CDH12: variants seen among roughly 807,000 people sequenced by gnomAD.
CDH12 encodes the protein cadherin 12.
Under a neutral mutation model 74.1 loss-of-function variants are expected in CDH12, and 41 were observed. That is an observed-to-expected ratio of 0.55 (90% CI 0.43 to 0.72). The LOEUF is 0.72. Ranked by LOEUF, CDH12 falls within the 30% of genes least tolerant of loss-of-function variation. The pLI is 0.00. For missense variants in CDH12, 945 were observed against 977.2 expected, an observed-to-expected ratio of 0.97 and a Z score of 0.44; for synonymous variants, 399 against 355.0, an observed-to-expected ratio of 1.12 and a Z score of -1.39.
intron 5 of CDH12, among the ~76,000 whole-genome samples, chr5:22,039,210 C>T (rs1194640348): frequency 6.6e-6 from 1 of 152,028 alleles, no homozygotes; most frequent in African/African-American, 2.4e-5. Flanking sequence ...CCCTATTGGT[C>T]TGGTTCCAAA....
intron 6 of CDH12, among the ~76,000 whole-genome samples, chr5:21,895,501 A>T (rs1181841071): frequency 2.0e-5 from 3 of 152,174 alleles, no homozygotes; most frequent in African/African-American, 7.2e-5. Context: ...CTCTTCCACA[A>T]GCAGTCTTCA....
At chr5:22,241,525 T>C (rs1752752153) in intron 3 of CDH12, among the ~76,000 whole-genome samples, 1 of 152,024 alleles carries the variant, frequency 6.6e-6, no homozygotes, top group Admixed American at 6.6e-5. Flanking sequence ...TTTGTAATTA[T>C]TATTTTTAAA....
chr5:22,453,419 A>G (rs1417146805), intron 2 of CDH12, among the ~76,000 whole-genome samples: 1 of 152,148 alleles, frequency 6.6e-6, no homozygotes, highest in Admixed American at 6.5e-5. Context: ...ATAGAATGAA[A>G]TTCTATTGTT....
At chr5:22,437,630 C>T (rs2126534824) in intron 2 of CDH12, among the ~76,000 whole-genome samples, 1 of 151,596 alleles carries the variant, frequency 6.6e-6, no homozygotes, top group Admixed American at 6.6e-5. Context: ...GGTAGAAGGA[C>T]CTGAAATATA....
At chr5:22,454,028 C>T (rs1221538937) in intron 2 of CDH12, among the ~76,000 whole-genome samples, 2 of 151,888 alleles carry the variant, frequency 1.3e-5, no homozygotes, top group African/African-American at 4.8e-5. Flanking sequence ...TGGAGCAATA[C>T]CACTTTTTAG....
At chr5:22,358,330 A>AG (rs1217039033) in intron 3 of CDH12, among the ~76,000 whole-genome samples, 2 of 44,044 alleles carry the variant, frequency 4.5e-5, no homozygotes, top group African/African-American at 1.8e-4. Flanking sequence ...AATAACTTGA[A>AG]CCCGGAGGCG....
At chr5:21,799,619 A>G (rs1262502820) in intron 10 of CDH12, among the ~76,000 whole-genome samples, 1 of 151,362 alleles carries the variant, frequency 6.6e-6, no homozygotes, top group Middle Eastern at 3.2e-3. Flanking sequence ...GTAAAATGAA[A>G]GAAGATCATC....
chr5:22,603,342 G>A (rs1374801679), intron 1 of CDH12, among the ~76,000 whole-genome samples: 1 of 152,174 alleles, frequency 6.6e-6, no homozygotes, highest in African/African-American at 2.4e-5. Flanking sequence ...TTTGGGAAAT[G>A]TTAAGTTTCA....
chr5:22,676,589 AG>A (rs1236434899), intron 1 of CDH12, among the ~76,000 whole-genome samples: 4 of 152,182 alleles, frequency 2.6e-5, no homozygotes, highest in African/African-American at 9.6e-5. Context: ...ATTTCAACAA[AG>A]GCATGTAATT....
At chr5:22,279,967 G>A (rs186662063) in intron 3 of CDH12, among the ~76,000 whole-genome samples, 1 of 152,222 alleles carries the variant, frequency 6.6e-6, no homozygotes, top group African/African-American at 2.4e-5. Context: ...CTTCCACAAT[G>A]GTTGAACTAG....
chr5:21,958,269 T>C (rs1756190896), intron 6 of CDH12, among the ~76,000 whole-genome samples: 1 of 152,072 alleles, frequency 6.6e-6, no homozygotes, highest in South Asian at 2.1e-4. Context: ...TCTCTGGTGG[T>C]TCTTTATAGC....
intron 6 of CDH12, among the ~76,000 whole-genome samples, chr5:21,945,429 A>G (rs1472752218): frequency 8.4e-6 from 1 of 119,138 alleles, no homozygotes; most frequent in Non-Finnish European, 1.7e-5. Context: ...GTTTCAGACA[A>G]AAAAAAAAAA....
At chr5:22,308,825 C>T (rs868570116) in intron 3 of CDH12, among the ~76,000 whole-genome samples, 4,244 of 150,058 alleles carry the variant, frequency 0.028, 138 homozygotes, top group African/African-American at 0.065. Context: ...CACACACACA[C>T]ACACACACAC....
chr5:22,326,328 G>A (rs938916499), intron 3 of CDH12, among the ~76,000 whole-genome samples: 16 of 151,554 alleles, frequency 1.1e-4, no homozygotes, highest in Admixed American at 5.9e-4. Flanking sequence ...TCCGCCCCCC[G>A]GGGTTCACGC....
In CDH12 at chr5:22,822,182, T is replaced by G. The variant is rs1327751010; in HGVS notation, c.-523+30876A>C. ...GCTGGGAAAACTGGCTAGCCATATG[T>G]AGAAAGCTGAAACTGGATCCCTTCC... On this transcript the variant is annotated intron_variant, in intron 1 of 14. Coordinates refer to ENST00000382254, the MANE Select transcript of CDH12 (RefSeq NM_004061.5). Among the ~76,000 whole-genome samples, 13 of 151,948 alleles carry G rather than the reference T, an allele frequency of 8.6e-5. No homozygotes were observed. In the East Asian group the frequency reaches 1.9e-3, roughly 23 times the overall value.
chr5:22,154,474 CATAT>C (rs1246903245), intron 4 of CDH12, among the ~76,000 whole-genome samples: 1 of 720 alleles, frequency 1.4e-3, no homozygotes, highest in Admixed American at 0.026. Context: ...TATATGTACA[CATAT>C]ATATGTACAC....
chr5:22,464,019 T>C (rs1745628170), intron 2 of CDH12, among the ~76,000 whole-genome samples: 1 of 152,208 alleles, frequency 6.6e-6, no homozygotes, highest in Non-Finnish European at 1.5e-5. Flanking sequence ...AGAGTTCCCA[T>C]GTGTCTTGGG....
chr5:22,533,798 T>C (rs2126707892), intron 1 of CDH12, among the ~76,000 whole-genome samples: 1 of 152,288 alleles, frequency 6.6e-6, no homozygotes, highest in South Asian at 2.1e-4. Context: ...AAATGAAAGC[T>C]TTAAAATTAA....
rs561829442 is a variant in CDH12 at position 22,117,450 on chromosome 5, T to A, written c.-186-38588A>T. 7.4e-3 allele frequency among the ~76,000 whole-genome samples: 582 copies of A among 79,016 alleles called. 2 individuals are homozygous for A. The highest frequency in any genetic ancestry group is 0.03 in the African/African-American group (553 of 18,276). The allele number at this position is 79,016 out of a possible 152,430, so 51.8% of individuals were successfully genotyped here. A position where few individuals can be genotyped will look rare whatever the true frequency, so the allele number is the denominator to read the frequency against. On this transcript the variant is annotated intron_variant, in intron 4 of 14. Transcript: ENST00000382254. ...GCATATATAAATTATATATATATAA[T>A]ATATATATTATATATATAATATATA...
Sources: allele counts gnomAD v4.1 joint callset (sites outside exome capture counted in the v4.1 genomes callset), GRCh38; gene constraint gnomAD v4.1.1; transcripts MANE v1.5; gene names NCBI Gene and HGNC (gene_info 2026-07-23, HGNC 2026-07-21).